The following TIAM1 variants were observed in gnomAD, a reference collection of about 807,000 sequenced individuals.
The protein encoded by TIAM1 is rho guanine nucleotide exchange factor TIAM1.
A neutral mutation model predicts 163.5 loss-of-function variants in TIAM1; 65 were observed. The ratio of observed to expected loss-of-function variants is 0.40; its 90% CI spans 0.33 to 0.49. The LOEUF is 0.49. TIAM1 is among the 20% of genes least tolerant of loss of function. The pLI is 0.77. For missense variants in TIAM1, 1,789 were observed against 2,044.7 expected (o/e 0.87, Z 2.41); for synonymous variants, 833 against 810.1 (o/e 1.03, Z -0.48).
At chr21:31,277,611 C>T (rs1217931646) in intron 2 of TIAM1, among the ~76,000 whole-genome samples, 1 of 152,162 alleles carries the variant, frequency 6.6e-6, no homozygotes, top group Non-Finnish European at 1.5e-5. Flanking sequence ...CACCTTTGCA[C>T]TCCAGCCTGG....
At chr21:31,370,361 C>G (rs2076575629) in intron 2 of TIAM1, among the ~76,000 whole-genome samples, 1 of 152,126 alleles carries the variant, frequency 6.6e-6, no homozygotes. Flanking sequence ...TGAACCCAGA[C>G]AGAGGCTGGA....
rs2085079157 is a variant in TIAM1 at position 31,182,485 on chromosome 21, G to A, written c.2823C>T (p.Pro941=). ...EEGVELLESP[P]HRVDGPADLG... The stretch of plus-strand genomic sequence containing the variant: ...GGTCGGCAGGGCCGTCCACTCGGTG[G>A]GGCGGGCTTTCCAGCAGCTCCACTC... Residue 941 remains proline, a synonymous_variant, in exon 15 of 28, where the codon CCC becomes CCT. Coordinates refer to ENST00000541036, the MANE Select transcript of TIAM1 (RefSeq NM_001353694.2). 4 of 1,611,956 alleles carry A rather than the reference G, an allele frequency of 2.5e-6. No individual in the cohort carries two copies. The highest frequency in any genetic ancestry group is 3.4e-6 in the Non-Finnish European group (4 of 1,179,218).
chr21:31,209,652 C>A (rs552180343), intron 11 of TIAM1, among the ~76,000 whole-genome samples: 11 of 152,090 alleles, frequency 7.2e-5, no homozygotes, highest in Non-Finnish European at 7.3e-5. Context: ...TGTATGTGTG[C>A]GGAAAAAGGA....
intron 2 of TIAM1, among the ~76,000 whole-genome samples, chr21:31,289,097 C>T (rs1217914862): frequency 3.3e-5 from 5 of 152,214 alleles, no homozygotes; most frequent in Non-Finnish European, 7.3e-5. Context: ...CACTTAAACA[C>T]ATGTAGCATT....
intron 3 of TIAM1, among the ~76,000 whole-genome samples, chr21:31,267,945 AC>A (rs2072876203): frequency 1.3e-5 from 2 of 152,160 alleles, no homozygotes; most frequent in Non-Finnish European, 2.9e-5. Context: ...AGTCTCTCTC[AC>A]TGACCCGATG....
chr21:31,483,488 A>G (rs1425771861), intron 1 of TIAM1, among the ~76,000 whole-genome samples: 2 of 152,044 alleles, frequency 1.3e-5, no homozygotes, highest in Non-Finnish European at 2.9e-5. Flanking sequence ...GGTGAGACTC[A>G]TTTTTTGCTA....
At chr21:31,302,150 T>C (rs2074530773) in intron 2 of TIAM1, among the ~76,000 whole-genome samples, 2 of 151,984 alleles carry the variant, frequency 1.3e-5, no homozygotes, top group Admixed American at 1.3e-4. Context: ...AGAAAGAAAA[T>C]GTTTTCATGG....
chr21:31,300,965 T>C (rs1287246301), intron 2 of TIAM1, among the ~76,000 whole-genome samples: 1 of 152,176 alleles, frequency 6.6e-6, no homozygotes, highest in East Asian at 1.9e-4. Context: ...GCTGCTAAGT[T>C]GACTCAAGAA....
chr21:31,280,824 G>A (rs982457202), intron 2 of TIAM1, among the ~76,000 whole-genome samples: 2 of 150,026 alleles, frequency 1.3e-5, no homozygotes, highest in African/African-American at 4.9e-5. Context: ...TTGGGGGTGG[G>A]GGGGCAGGGG....
At chr21:31,164,892 G>A in intron 16 of TIAM1, 70 bp downstream of exon 16, 1 of 1,479,870 alleles carries the variant, frequency 6.8e-7, no homozygotes, top group Non-Finnish European at 9.4e-7. Flanking sequence ...ATACAGCTGT[G>A]TAGGTGACAT....
At chr21:31,465,537 G>A (rs1475231030) in intron 1 of TIAM1, among the ~76,000 whole-genome samples, 1 of 151,694 alleles carries the variant, frequency 6.6e-6, no homozygotes, top group Non-Finnish European at 1.5e-5. Context: ...CAGCCTATAA[G>A]GGCAGTGACT....
rs1460743657 is a variant in TIAM1, at chr21:31,490,400, AT to A, written c.-421-26366del. 3.5e-5 allele frequency among the ~76,000 whole-genome samples: 5 copies of A among 144,200 alleles called. No individual in the cohort carries two copies. The East Asian group carries it at 9.7e-4, about 28-fold the overall frequency. The allele number at this position is 144,200 out of a possible 152,430, so 94.6% of individuals were successfully genotyped here. ...ATTGATTAAAACACGAAATAAAATG[AT>A]TTTTTTTAGACTGCCAGCAGGACTG... On this transcript the variant is annotated intron_variant, in intron 1 of 28. Transcript: ENST00000286827.
At chr21:31,183,696 ATTT>A (rs537476967) in intron 14 of TIAM1, among the ~76,000 whole-genome samples, 3 of 140,744 alleles carry the variant, frequency 2.1e-5, no homozygotes, top group African/African-American at 2.6e-5. Flanking sequence ...ATCTGAAATC[ATTT>A]TTTTTTTTTT....
chr21:31,460,068 G>C (rs1404027848), intron 2 of TIAM1, among the ~76,000 whole-genome samples: 1 of 152,160 alleles, frequency 6.6e-6, no homozygotes, highest in Non-Finnish European at 1.5e-5. Context: ...AAGCTCCTCT[G>C]CAGGTTTTAA....
chr21:31,201,435 CT>C (rs1261432403), intron 12 of TIAM1, among the ~76,000 whole-genome samples: 1 of 152,180 alleles, frequency 6.6e-6, no homozygotes, highest in Non-Finnish European at 1.5e-5. Flanking sequence ...AGCACACGCT[CT>C]CTTACATTTC....
chr21:31,496,347 G>A (rs2046640055), intron 1 of TIAM1, among the ~76,000 whole-genome samples: 1 of 151,174 alleles, frequency 6.6e-6, no homozygotes, highest in Admixed American at 6.6e-5. Flanking sequence ...AAAATTAGCT[G>A]AGTGTGATGG....
chr21:31,403,831 C>T (rs1207941503), intron 2 of TIAM1, among the ~76,000 whole-genome samples: 1 of 152,106 alleles, frequency 6.6e-6, no homozygotes, highest in East Asian at 1.9e-4. Context: ...ACAGTCCCTG[C>T]CCTCAAAGAC....
chr21:31,300,576 G>T (rs750788183), intron 2 of TIAM1, among the ~76,000 whole-genome samples: 2 of 152,188 alleles, frequency 1.3e-5, no homozygotes, highest in African/African-American at 2.4e-5. Context: ...AAGTGTCAAT[G>T]CAAAGGACCA....
At chr21:31,162,937 G>A (rs1345553106) in intron 16 of TIAM1, among the ~76,000 whole-genome samples, 1 of 152,076 alleles carries the variant, frequency 6.6e-6, no homozygotes, top group Non-Finnish European at 1.5e-5. Flanking sequence ...GAGTCAGAGC[G>A]ACACATGGGA....
Sources: allele counts gnomAD v4.1 joint callset (sites outside exome capture counted in the v4.1 genomes callset), GRCh38; gene constraint gnomAD v4.1.1; transcripts MANE v1.5; gene names NCBI Gene and HGNC (gene_info 2026-07-23, HGNC 2026-07-21).